EIF4G3: variants seen among roughly 807,000 people sequenced by gnomAD.
EIF4G3 encodes eukaryotic translation initiation factor 4 gamma 3, also known as eIF-4-gamma 3.
EIF4G3 carries 34 observed loss-of-function variants against 186.4 expected under a neutral mutation model. That is an observed-to-expected ratio of 0.18 (90% CI 0.14 to 0.24). The LOEUF is 0.24. EIF4G3 is among the 10% of genes least tolerant of loss of function. EIF4G3 has a pLI of 1.00. For missense variants in EIF4G3, 1,536 were observed against 1,948.5 expected (o/e 0.79, Z 3.99); for synonymous variants, 673 against 679.5 (o/e 0.99, Z 0.15).
At chr1:21,065,860 G>A (rs2095216240) in intron 3 of EIF4G3, among the ~76,000 whole-genome samples, 1 of 152,116 alleles carries the variant, frequency 6.6e-6, no homozygotes, top group Admixed American at 6.6e-5. Flanking sequence ...ACAGTTTTGG[G>A]GTGAAATGAT....
chr1:20,971,664 C>G (rs1569980584), intron 11 of EIF4G3, among the ~76,000 whole-genome samples: 1 of 152,234 alleles, frequency 6.6e-6, no homozygotes, highest in South Asian at 2.1e-4. Flanking sequence ...ACTTGAGATA[C>G]AGTTCACACT....
intron 30 of EIF4G3, among the ~76,000 whole-genome samples, chr1:20,836,266 T>C (rs1014788031): frequency 1.3e-5 from 2 of 152,116 alleles, no homozygotes; most frequent in Non-Finnish European, 2.9e-5. Context: ...TTTTTAAAGA[T>C]AGGATCTCAC....
intron 14 of EIF4G3, among the ~76,000 whole-genome samples, chr1:20,931,103 G>A (rs1413110078): frequency 6.6e-6 from 1 of 151,940 alleles, no homozygotes; most frequent in African/African-American, 2.4e-5. Flanking sequence ...GAAATGACAA[G>A]CATCCACACA....
intron 2 of EIF4G3, among the ~76,000 whole-genome samples, chr1:21,154,906 T>C (rs868849935): frequency 5.9e-5 from 9 of 152,154 alleles, no homozygotes; most frequent in South Asian, 2.1e-4. Context: ...ATAAACTATC[T>C]ACTACAAACC....
At chr1:20,818,796 T>C (rs2061629068) in intron 33 of EIF4G3, among the ~76,000 whole-genome samples, 1 of 152,246 alleles carries the variant, frequency 6.6e-6, no homozygotes. Flanking sequence ...TTTTCTCTAA[T>C]ACTCTTGAAT....
At chr1:20,989,427 G>T (rs2080475102) in intron 7 of EIF4G3, among the ~76,000 whole-genome samples, 1 of 151,382 alleles carries the variant, frequency 6.6e-6, no homozygotes, top group African/African-American at 2.4e-5. Flanking sequence ...CATGGTGGGA[G>T]ATGCCTGTAA....
intron 14 of EIF4G3, among the ~76,000 whole-genome samples, chr1:20,935,310 T>G (rs2095484504): frequency 6.6e-6 from 1 of 152,192 alleles, no homozygotes; most frequent in African/African-American, 2.4e-5. Context: ...ATCACAAGAA[T>G]AATGCTTGAA....
At chr1:21,118,410 T>C (rs999722319) in intron 2 of EIF4G3, among the ~76,000 whole-genome samples, 2 of 152,208 alleles carry the variant, frequency 1.3e-5, no homozygotes, top group Non-Finnish European at 2.9e-5. Context: ...TAATTATCTG[T>C]GAAGCTACAG....
intron 12 of EIF4G3, among the ~76,000 whole-genome samples, chr1:20,957,299 G>A (rs936904050): frequency 2.0e-5 from 3 of 152,052 alleles, no homozygotes; most frequent in Non-Finnish European, 4.4e-5. Context: ...TGGTATCTGG[G>A]TTAATAATGA....
chr1:20,882,039 T>C (rs1331232979), intron 19 of EIF4G3, among the ~76,000 whole-genome samples: 1 of 151,988 alleles, frequency 6.6e-6, no homozygotes, highest in Non-Finnish European at 1.5e-5. Flanking sequence ...AGTAAGCACC[T>C]GTAGTCCTAG....
chr1:20,820,314 G>A (rs1478879097), intron 33 of EIF4G3, among the ~76,000 whole-genome samples: 2 of 152,194 alleles, frequency 1.3e-5, no homozygotes, highest in Non-Finnish European at 2.9e-5. Context: ...GGTGGGGTGG[G>A]AGCTCTGGGG....
At chr1:21,083,662 C>A (rs2095865930) in intron 3 of EIF4G3, among the ~76,000 whole-genome samples, 1 of 152,050 alleles carries the variant, frequency 6.6e-6, no homozygotes, top group South Asian at 2.1e-4. Flanking sequence ...ACAAATATGA[C>A]AGTAGTTTTA....
intron 3 of EIF4G3, chr1:21,065,040 C>T (rs2095162094): frequency 6.6e-6 from 1 of 152,246 alleles, no homozygotes; most frequent in East Asian, 1.9e-4. Context: ...TTTTTTAAAA[C>T]TAATGCCTTA....
rs569279741 is a variant in EIF4G3 at position 20,971,569 on chromosome 1, T to C, written c.591+1433A>G. On this transcript the variant is annotated intron_variant, in intron 11 of 36. Coordinates refer to ENST00000602326, the MANE Select transcript of EIF4G3 (RefSeq NM_001391906.1). Reference sequence around the variant, plus strand: ...CATTGTCATGTCCTGTTCATTATGATATATGCACAAGTAATTTGTTTCTAA... The same window carrying C: ...CATTGTCATGTCCTGTTCATTATGACATATGCACAAGTAATTTGTTTCTAA... Among the ~76,000 whole-genome samples the C allele has an allele frequency of 5.3e-5, 8 of 152,366 alleles. No homozygotes were observed. In the South Asian group the frequency reaches 1.7e-3, roughly 32 times the overall value.
At chr1:20,916,991 A>G (rs906055985) in intron 14 of EIF4G3, among the ~76,000 whole-genome samples, 3 of 152,210 alleles carry the variant, frequency 2.0e-5, no homozygotes, top group Admixed American at 6.5e-5. Flanking sequence ...ATCTATACAT[A>G]TTCACCCAAG....
chr1:21,160,716 G>C (rs1043413994), intron 2 of EIF4G3, among the ~76,000 whole-genome samples: 1 of 152,166 alleles, frequency 6.6e-6, no homozygotes, highest in Non-Finnish European at 1.5e-5. Flanking sequence ...AAGTGTCAAA[G>C]TCACAAAAGA....
At position 20,873,722 on chromosome 1, in the gene EIF4G3, TAA is replaced by T. The variant is rs35292233; in HGVS notation, c.2622+5599_2622+5600del. 6.5e-4 allele frequency among the ~76,000 whole-genome samples: 89 copies of T among 137,094 alleles called. 1 individual carries two copies. The highest frequency in any genetic ancestry group is 1.0e-3 in the Admixed American group (14 of 13,534). The allele number at this position is 137,094 out of a possible 152,430, so 89.9% of individuals were successfully genotyped here. ...ACATTGAATGTCTTTTTTTTTTCCT[TAA>T]AAAAAAAAAAAAACCACGAGATACA... On this transcript the variant is annotated intron_variant, in intron 20 of 36. Coordinates refer to ENST00000602326, the MANE Select transcript of EIF4G3 (RefSeq NM_001391906.1).
At chr1:21,129,315 C>CAAA (rs11432023) in intron 2 of EIF4G3, among the ~76,000 whole-genome samples, 2 of 144,520 alleles carry the variant, frequency 1.4e-5, no homozygotes, top group African/African-American at 2.6e-5. Context: ...AACTCTATCT[C>CAAA]AAAAAAAAAA....
Position 21,049,160 on chromosome 1 carries a change from G to A in EIF4G3, c.-67+1706C>T, listed in dbSNP as rs117897978. On this transcript the variant is annotated intron_variant, in intron 4 of 36. Coordinates refer to ENST00000602326, the MANE Select transcript of EIF4G3 (RefSeq NM_001391906.1). The stretch of plus-strand genomic sequence containing the variant: ...CTCTTGGCTATAAGAGATTGGTGCT[G>A]GAGAAGAAAGCTTTCCCCAATACTT... 1.1e-3 allele frequency among the ~76,000 whole-genome samples: 163 copies of A among 152,216 alleles called. 3 individuals carry two copies. In the East Asian group the frequency reaches 0.028, roughly 26 times the overall value.
Sources: allele counts gnomAD v4.1 joint callset (sites outside exome capture counted in the v4.1 genomes callset), GRCh38; gene constraint gnomAD v4.1.1; transcripts MANE v1.5; gene names NCBI Gene and HGNC (gene_info 2026-07-23, HGNC 2026-07-21).